Variants in DIAPH3 observed in about 807,000 individuals in gnomAD.
DIAPH3 encodes protein diaphanous homolog 3.
In DIAPH3, 117 loss-of-function variants were observed where a neutral mutation model predicts 144.3. The observed-to-expected ratio is 0.81, with a 90% CI of 0.70 to 0.95. DIAPH3 has a LOEUF of 0.95. Ranked by LOEUF, DIAPH3 falls within the 40% of genes least tolerant of loss-of-function variation. The pLI is 0.00. For synonymous variants in DIAPH3, 519 were observed against 488.9 expected, an observed-to-expected ratio of 1.06 and a Z score of -0.81; for missense variants, 1,421 against 1,412.7, an observed-to-expected ratio of 1.01 and a Z score of -0.09.
At chr13:59,869,568 T>G (rs1306212598) in intron 21 of DIAPH3, among the ~76,000 whole-genome samples, 3 of 152,188 alleles carry the variant, frequency 2.0e-5, no homozygotes, top group Admixed American at 2.0e-4. Flanking sequence ...TCTCTTTGTT[T>G]CGACTTTTTG....
chr13:59,928,862 C>G (rs990262793), intron 17 of DIAPH3, among the ~76,000 whole-genome samples: 2 of 152,110 alleles, frequency 1.3e-5, no homozygotes, highest in African/African-American at 4.8e-5. Context: ...AGTCCTTGGG[C>G]CCCTGGGGGT....
intron 7 of DIAPH3, among the ~76,000 whole-genome samples, chr13:60,015,555 A>T (rs1307171329): frequency 4.0e-5 from 6 of 150,352 alleles, no homozygotes; most frequent in African/African-American, 1.2e-4. Context: ...GAGTTAGGAG[A>T]GGGAGGAAAT....
intron 17 of DIAPH3, among the ~76,000 whole-genome samples, chr13:59,962,813 C>A (rs1309850728): frequency 1.3e-5 from 2 of 152,014 alleles, no homozygotes; most frequent in African/African-American, 4.8e-5. Flanking sequence ...ATAACAAGAT[C>A]TAGTTGCAAG....
chr13:59,767,377 T>C (rs2037909486), intron 27 of DIAPH3, among the ~76,000 whole-genome samples: 1 of 152,122 alleles, frequency 6.6e-6, no homozygotes, highest in South Asian at 2.1e-4. Context: ...ACAGAGACAA[T>C]GTGTAACAAA....
intron 17 of DIAPH3, among the ~76,000 whole-genome samples, chr13:59,958,891 T>TC (rs1566573658): frequency 6.7e-6 from 1 of 148,650 alleles, no homozygotes. Flanking sequence ...TTTTTTTTTT[T>TC]TGAGATAGAG....
At chr13:59,676,759 G>GT (rs1387765450) in intron 27 of DIAPH3, among the ~76,000 whole-genome samples, 1 of 152,102 alleles carries the variant, frequency 6.6e-6, no homozygotes, top group African/African-American at 2.4e-5. Flanking sequence ...TTTCCATGTA[G>GT]ACTTAATACT....
chr13:60,060,951 C>T (rs1327891907), intron 4 of DIAPH3, among the ~76,000 whole-genome samples: 1 of 133,430 alleles, frequency 7.5e-6, no homozygotes, highest in African/African-American at 2.7e-5. Context: ...TTATAATAAC[C>T]ACTGAAACTC....
At chr13:59,710,233 C>G (rs1283769004) in intron 27 of DIAPH3, among the ~76,000 whole-genome samples, 1 of 107,358 alleles carries the variant, frequency 9.3e-6, no homozygotes, top group Non-Finnish European at 1.9e-5. Flanking sequence ...TACCCTAAAA[C>G]TTAAAGTATA....
At chr13:59,799,383 A>G (rs1421872424) in intron 25 of DIAPH3, among the ~76,000 whole-genome samples, 1 of 108,148 alleles carries the variant, frequency 9.2e-6, no homozygotes, top group African/African-American at 4.2e-5. Flanking sequence ...ATGCACACAC[A>G]CACACACACA....
chr13:59,893,864 G>T (rs567312866), intron 20 of DIAPH3, among the ~76,000 whole-genome samples: 1 of 152,058 alleles, frequency 6.6e-6, no homozygotes, highest in Admixed American at 6.5e-5. Context: ...CTGATGCCAG[G>T]ATATTAATGA....
Position 59,665,644 on chromosome 13 carries a change from T to C in DIAPH3, c.*940A>G, listed in dbSNP as rs1156871213. The C allele has an allele frequency of 6.6e-6, 1 of 152,628 alleles. No individual in the cohort carries two copies. The highest frequency in any genetic ancestry group is 1.5e-5 in the Non-Finnish European group (1 of 68,032). The allele number at this position is 152,628 out of a possible 1,614,324, so 9.5% of individuals were successfully genotyped here. ...CTTTGATATAGAATTAACAGAGTAATGATGCCCAAATGAGGTAATATTACA... is the reference window on the plus strand; with the variant it reads ...CTTTGATATAGAATTAACAGAGTAACGATGCCCAAATGAGGTAATATTACA... On this transcript the variant is annotated 3_prime_UTR_variant, in exon 28 of 28. Coordinates refer to ENST00000400324, the MANE Select transcript of DIAPH3 (RefSeq NM_001042517.2).
intron 27 of DIAPH3, among the ~76,000 whole-genome samples, chr13:59,757,837 A>G (rs1195927629): frequency 6.6e-6 from 1 of 152,234 alleles, no homozygotes; most frequent in Admixed American, 6.5e-5. Flanking sequence ...ATCAAAATCT[A>G]TTCATTCTCA....
chr13:59,833,290 A>G lies in DIAPH3; in HGVS notation c.2863-19T>C. The G allele has an allele frequency of 6.3e-7, 1 of 1,591,444 alleles. No individual in the cohort carries two copies. The highest frequency in any genetic ancestry group is 1.1e-5 in the South Asian group (1 of 89,210). On this transcript the variant is annotated intron_variant, in intron 23 of 27. Coordinates refer to ENST00000400324, the MANE Select transcript of DIAPH3 (RefSeq NM_001042517.2). Reference sequence around the variant, plus strand: ...CAAATCTGTATACTATAGTTAAGGTATTCTGAAATTTACAAAGTAATGCTT... The same window carrying G: ...CAAATCTGTATACTATAGTTAAGGTGTTCTGAAATTTACAAAGTAATGCTT...
At chr13:59,855,264 T>G (rs937864445) in intron 22 of DIAPH3, among the ~76,000 whole-genome samples, 19 of 152,290 alleles carry the variant, frequency 1.2e-4, no homozygotes, top group Non-Finnish European at 1.6e-4. Context: ...ATACCACACT[T>G]GCAATACACT....
chr13:60,090,336 A>G (rs1191446620), intron 4 of DIAPH3, among the ~76,000 whole-genome samples: 1 of 152,072 alleles, frequency 6.6e-6, no homozygotes, highest in East Asian at 1.9e-4. Context: ...TTCAAACTTA[A>G]TAACGTCTTA....
At chr13:59,749,972 A>C (rs1241530071) in intron 27 of DIAPH3, among the ~76,000 whole-genome samples, 1 of 152,156 alleles carries the variant, frequency 6.6e-6, no homozygotes, top group East Asian at 1.9e-4. Flanking sequence ...ATATACATGG[A>C]GTTCTTTCAA....
Position 60,102,402 on chromosome 13 carries a change from C to G in DIAPH3, c.391-8670G>C, listed in dbSNP as rs78880466. The stretch of plus-strand genomic sequence containing the variant: ...ATTTCTATACTTGCTGCCTCTTTCA[C>G]CGTGCATGGAACATAATGGTCACTT... On this transcript the variant is annotated intron_variant, in intron 3 of 27. Transcript: ENST00000400324. 9.2e-3 allele frequency among the ~76,000 whole-genome samples: 1,405 copies of G among 152,268 alleles called. 8 individuals carry two copies. The highest frequency in any genetic ancestry group is 0.022 in the South Asian group (106 of 4,816).
At chr13:59,796,715 C>T (rs1292618785) in intron 25 of DIAPH3, among the ~76,000 whole-genome samples, 3 of 152,034 alleles carry the variant, frequency 2.0e-5, no homozygotes, top group African/African-American at 7.2e-5. Flanking sequence ...TAATTTTAAA[C>T]TAAATTCATC....
chr13:59,793,251 T>A (rs1346772540), intron 25 of DIAPH3, among the ~76,000 whole-genome samples: 2 of 152,118 alleles, frequency 1.3e-5, no homozygotes, highest in African/African-American at 4.8e-5. Flanking sequence ...TCTCCACCCC[T>A]CCTGCCGCCC....
Sources: gnomAD v4.1 joint callset for allele counts (sites outside exome capture counted in the v4.1 genomes callset) on GRCh38, gnomAD v4.1.1 for gene constraint, MANE v1.5 for transcripts, NCBI Gene and HGNC (gene_info 2026-07-23, HGNC 2026-07-21) for gene names.